Variants in SRRM4 observed in about 807,000 individuals in gnomAD.
The protein encoded by SRRM4 is serine/arginine repetitive matrix protein 4.
In SRRM4, 33 loss-of-function variants were observed where a neutral mutation model predicts 68.9. The observed-to-expected ratio is 0.48, with a 90% CI of 0.36 to 0.64. The LOEUF (loss-of-function observed/expected upper bound fraction) is 0.64. SRRM4 is among the 30% of genes least tolerant of loss of function. The probability of loss-of-function intolerance (pLI) is 0.00; values close to 1 mark genes in which losing one functional copy is unlikely to be tolerated. For missense variants in SRRM4, 817 were observed against 827.1 expected, an observed-to-expected ratio of 0.99 and a Z score of 0.15; for synonymous variants, 318 against 318.8, an observed-to-expected ratio of 1.00 and a Z score of 0.03.
chr12:118,994,482 C>G (rs150756469), intron 1 of SRRM4, among the ~76,000 whole-genome samples: 1 of 152,162 alleles, frequency 6.6e-6, no homozygotes, highest in African/African-American at 2.4e-5. Flanking sequence ...TTCTTAAAAG[C>G]CTTTTGCCTT....
chr12:118,983,180 T>C (rs1216630605), intron 1 of SRRM4, among the ~76,000 whole-genome samples: 3 of 152,164 alleles, frequency 2.0e-5, no homozygotes, highest in Admixed American at 1.3e-4. Flanking sequence ...GGAAGACGTA[T>C]GGGAAATTAT....
At chr12:119,090,938 C>A (rs1186502755) in intron 1 of SRRM4, among the ~76,000 whole-genome samples, 1 of 152,234 alleles carries the variant, frequency 6.6e-6, no homozygotes, top group Admixed American at 6.5e-5. Flanking sequence ...GCTTCTCCCA[C>A]TGAAGCCCTT....
chr12:119,153,195 A>G (rs897303915), intron 10 of SRRM4, among the ~76,000 whole-genome samples: 1 of 152,168 alleles, frequency 6.6e-6, no homozygotes, highest in Non-Finnish European at 1.5e-5. Flanking sequence ...ATGCTATGTG[A>G]TTTACCCGAA....
At chr12:119,125,315 C>G in intron 6 of SRRM4, 66 bp from the exon 7 acceptor site, 11 of 1,418,768 alleles carry the variant, frequency 7.8e-6, no homozygotes, top group South Asian at 1.2e-5. Flanking sequence ...AAGATCAAAT[C>G]TCTCACTCTC....
chr12:119,008,280 C>T (rs1457488940), intron 1 of SRRM4, among the ~76,000 whole-genome samples: 1 of 151,152 alleles, frequency 6.6e-6, no homozygotes, highest in Non-Finnish European at 1.5e-5. Context: ...GTCCCAGCTA[C>T]TTGGGAGACT....
intron 1 of SRRM4, among the ~76,000 whole-genome samples, chr12:119,090,785 G>T (rs572455434): frequency 6.6e-6 from 1 of 152,218 alleles, no homozygotes; most frequent in African/African-American, 2.4e-5. Flanking sequence ...CTCCCCAAAG[G>T]CTGGCCCAGC....
rs945595577 is a variant in SRRM4, at chr12:119,161,975, A to T, written c.*5177A>T. On this transcript the variant is annotated 3_prime_UTR_variant, in exon 13 of 13. Coordinates refer to ENST00000267260, the MANE Select transcript of SRRM4 (RefSeq NM_194286.4). ...TCTTCTAACGAGCCAAGCCAAAAAGACTGCAATGGTATTCCTATGTGTTTC... is the reference window on the plus strand; with the variant it reads ...TCTTCTAACGAGCCAAGCCAAAAAGTCTGCAATGGTATTCCTATGTGTTTC... 3 of 152,024 alleles carry T rather than the reference A, an allele frequency of 2.0e-5. No individual in the cohort carries two copies. Among genetic ancestry groups the T allele is most frequent in the Admixed American group, 2.0e-4 (3 of 15,258 alleles). The allele number at this position is 152,024 out of a possible 1,614,324, so 9.4% of individuals were successfully genotyped here.
intron 2 of SRRM4, 40 bp downstream of exon 2, chr12:119,102,422 A>G: frequency 6.5e-7 from 1 of 1,549,516 alleles, no homozygotes; most frequent in Non-Finnish European, 8.8e-7. Flanking sequence ...AGATACAGAA[A>G]TAAAGTCTGC....
chr12:119,161,942 A>T lies in SRRM4; in HGVS notation c.*5144A>T, dbSNP rs1329834071. ...TTTTTTTTTCTGGCCAAGGAAAGCTATGCCTCATCTTCTAACGAGCCAAGC... is the reference window on the plus strand; with the variant it reads ...TTTTTTTTTCTGGCCAAGGAAAGCTTTGCCTCATCTTCTAACGAGCCAAGC... On this transcript the variant is annotated 3_prime_UTR_variant, in exon 13 of 13. Coordinates refer to ENST00000267260, the MANE Select transcript of SRRM4 (RefSeq NM_194286.4). 6.6e-6 allele frequency: 1 copy of T among 151,944 alleles called. No individual in the cohort carries two copies. Among genetic ancestry groups the T allele is most frequent in the African/African-American group, 2.4e-5 (1 of 41,368 alleles). 9.4% of individuals were successfully genotyped at this position (151,944 alleles called of 1,614,324 possible).
intron 1 of SRRM4, among the ~76,000 whole-genome samples, chr12:119,027,419 T>C (rs1444377370): frequency 6.6e-6 from 1 of 152,220 alleles, no homozygotes; most frequent in Non-Finnish European, 1.5e-5. Context: ...CCTTTTTCAA[T>C]GGCAATTTTC....
chr12:119,123,974 GC>G (rs1229145581), intron 6 of SRRM4, among the ~76,000 whole-genome samples: 1 of 152,218 alleles, frequency 6.6e-6, no homozygotes, highest in Non-Finnish European at 1.5e-5. Flanking sequence ...GCAGGAGGCA[GC>G]ATCTAAGCCG....
intron 8 of SRRM4, among the ~76,000 whole-genome samples, chr12:119,133,907 G>A (rs67512637): frequency 0.11 from 16,533 of 152,150 alleles, 1,112 homozygotes; most frequent in African/African-American, 0.18. Context: ...CTTATTTGGG[G>A]GTGCAAGGTT....
chr12:118,993,406 G>C lies in SRRM4; in HGVS notation c.131+11393G>C, dbSNP rs76738377. ...ATACTGTATCTTTTTCCTGCATGGAGAGTCTCTTAGAATGACATTCCTCTT... is the reference window on the plus strand; with the variant it reads ...ATACTGTATCTTTTTCCTGCATGGACAGTCTCTTAGAATGACATTCCTCTT... On this transcript the variant is annotated intron_variant, in intron 1 of 12. Transcript: ENST00000267260. Among the ~76,000 whole-genome samples, 162 of 152,332 alleles carry C rather than the reference G, an allele frequency of 1.1e-3. 1 individual carries two copies. Among genetic ancestry groups the C allele is most frequent in the African/African-American group, 3.9e-3 (162 of 41,572 alleles).
chr12:119,145,823 C>A, intron 9 of SRRM4, 138 bp downstream of exon 9: 1 of 824,278 alleles, frequency 1.2e-6, no homozygotes, highest in Non-Finnish European at 1.7e-6. Flanking sequence ...CTCAGACTGG[C>A]TTGTTTTAAA....
chr12:119,087,556 G>A (rs183116867), intron 1 of SRRM4, among the ~76,000 whole-genome samples: 4 of 152,154 alleles, frequency 2.6e-5, no homozygotes, highest in South Asian at 2.1e-4. Flanking sequence ...CCCCAGAAAC[G>A]CGCTGGAGGG....
intron 7 of SRRM4, among the ~76,000 whole-genome samples, chr12:119,128,747 C>T (rs1160348951): frequency 7.2e-5 from 11 of 152,236 alleles, no homozygotes; most frequent in African/African-American, 2.4e-4. Flanking sequence ...ACTTCACCTA[C>T]ACCCCAGGCT....
rs1319958645 is a variant in SRRM4 at position 119,067,500 on chromosome 12, A to G, written c.132-34736A>G. 2.0e-5 allele frequency among the ~76,000 whole-genome samples: 3 copies of G among 152,142 alleles called. 1 individual carries two copies. The highest frequency in any genetic ancestry group is 4.4e-5 in the Non-Finnish European group (3 of 68,042). ...GGCGGGCAGATTACCTGAGGTCAGG[A>G]GTTCAAGACCAGCCTGGCCAACATG... On this transcript the variant is annotated intron_variant, in intron 1 of 12. Coordinates refer to ENST00000267260, the MANE Select transcript of SRRM4 (RefSeq NM_194286.4).
chr12:119,130,630 C>T (rs963442009), intron 7 of SRRM4, 48 bp from the exon 8 acceptor site: 2 of 1,574,898 alleles, frequency 1.3e-6, no homozygotes, highest in Middle Eastern at 1.8e-4. Flanking sequence ...CATCTCCCTA[C>T]CATGCTCCCC....
At chr12:119,040,777 C>T (rs1269529768) in intron 1 of SRRM4, among the ~76,000 whole-genome samples, 1 of 151,990 alleles carries the variant, frequency 6.6e-6, no homozygotes, top group Non-Finnish European at 1.5e-5. Context: ...GATGGAGTCT[C>T]ACTCACTCTG....
Sources: allele counts gnomAD v4.1 joint callset (sites outside exome capture counted in the v4.1 genomes callset), GRCh38; gene constraint gnomAD v4.1.1; transcripts MANE v1.5; gene names NCBI Gene and HGNC (gene_info 2026-07-23, HGNC 2026-07-21).